The following CCDC171 variants were observed in gnomAD, a reference collection of about 807,000 sequenced individuals.
CCDC171 encodes the protein coiled-coil domain-containing protein 171.
Under a neutral mutation model 168.2 loss-of-function variants are expected in CCDC171, and 177 were observed. The ratio of observed to expected loss-of-function variants is 1.05; its 90% CI spans 0.93 to 1.19. The LOEUF (loss-of-function observed/expected upper bound fraction) is 1.19, where lower values mean the gene tolerates loss of function less well. CCDC171 is among the 50% of genes most tolerant of loss of function. The pLI is 0.00. For missense variants in CCDC171, 1,991 were observed against 1,539.0 expected (o/e 1.29, Z -4.91); for synonymous variants, 687 against 540.8 (o/e 1.27, Z -3.75).
At chr9:15,950,516 CCAAACTAAGCTT>C (rs1829016354) in intron 25 of CCDC171, among the ~76,000 whole-genome samples, 1 of 151,898 alleles carries the variant, frequency 6.6e-6, no homozygotes, top group South Asian at 2.1e-4. Context: ...TCATATCCAG[CCAAACTAAGCTT>C]CATAAGTGAA....
rs1387960922 is a variant in CCDC171 at position 15,952,212 on chromosome 9, GCT to G, written c.3754-19392_3754-19391del. Among the ~76,000 whole-genome samples, 5 of 152,144 alleles carry G rather than the reference GCT, an allele frequency of 3.3e-5. No individual in the cohort carries two copies. The South Asian group carries it at 1.0e-3, about 32-fold the overall frequency. On this transcript the variant is annotated intron_variant, in intron 25 of 25. Transcript: ENST00000380701. The stretch of plus-strand genomic sequence containing the variant: ...CCATTATCTGATGCTTTACTTCTGA[GCT>G]CTCTATTCTGTTCTATTGGTCTCTA...
In CCDC171 at chr9:15,591,540, T is replaced by C. The variant is rs950422756; in HGVS notation, c.527T>C (p.Leu176Pro). ...TTACTTATGAAAGAAAAAAGCAGAC[T>C]AGAGAAAACTCTACAGGTAAAATAG... Reference protein sequence around the residue: ...YDLLMKEKSRLEKTLQEALEK... With the variant: ...YDLLMKEKSRPEKTLQEALEK... The change falls in exon 5 of 26, where the codon CTA (leucine) becomes CCA (proline). Residue 176 changes from leucine to proline, a missense_variant. Coordinates refer to ENST00000380701, the MANE Select transcript of CCDC171 (RefSeq NM_173550.4). 2 of 1,558,904 alleles carry C rather than the reference T, an allele frequency of 1.3e-6. No individual in the cohort carries two copies. Among genetic ancestry groups the C allele is most frequent in the Admixed American group, 2.0e-5 (1 of 50,058 alleles).
intron 18 of CCDC171, among the ~76,000 whole-genome samples, chr9:15,747,096 G>T (rs1169152906): frequency 1.3e-5 from 2 of 152,196 alleles, no homozygotes; most frequent in African/African-American, 2.4e-5. Flanking sequence ...CATTGCCAAG[G>T]CTTGAGTAGG....
intron 8 of CCDC171, among the ~76,000 whole-genome samples, chr9:15,661,439 A>C (rs979637769): frequency 1.3e-5 from 2 of 152,134 alleles, no homozygotes; most frequent in Admixed American, 1.3e-4. Context: ...TAAATAAGAA[A>C]ATTATTACCT....
chr9:15,769,750 G>T (rs896637613), intron 18 of CCDC171, among the ~76,000 whole-genome samples: 4 of 152,164 alleles, frequency 2.6e-5, no homozygotes, highest in African/African-American at 9.7e-5. Flanking sequence ...GCATTTAGTT[G>T]TTCATCCATC....
intron 21 of CCDC171, among the ~76,000 whole-genome samples, chr9:15,831,319 A>C (rs1431732331): frequency 1.3e-5 from 2 of 152,206 alleles, no homozygotes; most frequent in African/African-American, 2.4e-5. Context: ...GCTTAAAAAA[A>C]GTTAGCAACT....
intron 3 of CCDC171, among the ~76,000 whole-genome samples, chr9:15,995,000 G>C (rs1308694434): frequency 6.6e-6 from 1 of 152,168 alleles, no homozygotes; most frequent in Non-Finnish European, 1.5e-5. Context: ...CAGAGGTTGT[G>C]CCAGGCATGC....
In CCDC171 at chr9:15,982,300, G is replaced by A. The variant is rs184820441; in HGVS notation, n.369-38289G>A. On this transcript the variant is annotated intron_variant and non_coding_transcript_variant, in intron 3 of 9. Transcript: ENST00000486641. ...CGTAGTGATGTGAGAATTTAGAACCGTATTCACTCACCAGCTGTGTGTCCT... is the reference window on the plus strand; with the variant it reads ...CGTAGTGATGTGAGAATTTAGAACCATATTCACTCACCAGCTGTGTGTCCT... Among the ~76,000 whole-genome samples, 140 of 152,244 alleles carry A rather than the reference G, an allele frequency of 9.2e-4. 2 individuals are homozygous for A. The highest frequency in any genetic ancestry group is 4.1e-4 in the South Asian group (2 of 4,826).
chr9:15,858,274 C>T lies in CCDC171; in HGVS notation c.3468+9327C>T, dbSNP rs574272794. 1.3e-4 allele frequency among the ~76,000 whole-genome samples: 20 copies of T among 152,148 alleles called. 1 individual carries two copies. The South Asian group carries it at 3.8e-3, about 29-fold the overall frequency. On this transcript the variant is annotated intron_variant, in intron 23 of 25. Transcript: ENST00000380701. ...AGCACAGGTGATCCACGTCCTTGGCCTCCCAAAGTGCTGGGATTACAGGCA... is the reference window on the plus strand; with the variant it reads ...AGCACAGGTGATCCACGTCCTTGGCTTCCCAAAGTGCTGGGATTACAGGCA...
chr9:15,742,530 C>T (rs1263278709), intron 16 of CCDC171, among the ~76,000 whole-genome samples: 1 of 152,136 alleles, frequency 6.6e-6, no homozygotes, highest in South Asian at 2.1e-4. Context: ...AGAGGGTTGT[C>T]GCACATCCTC....
chr9:15,737,258 A>G (rs1417052458), intron 16 of CCDC171, among the ~76,000 whole-genome samples: 2 of 152,206 alleles, frequency 1.3e-5, no homozygotes, highest in East Asian at 1.9e-4. Flanking sequence ...GGTATACTAT[A>G]TATTTTTTTC....
chr9:15,889,099 C>G (rs958554512), intron 24 of CCDC171: 1 of 151,786 alleles, frequency 6.6e-6, no homozygotes, highest in African/African-American at 2.4e-5. Context: ...ACTGGGACCA[C>G]AGGTGTGTGC....
intron 10 of CCDC171, among the ~76,000 whole-genome samples, chr9:15,682,198 A>G (rs2050085537): frequency 6.6e-6 from 1 of 152,096 alleles, no homozygotes; most frequent in Admixed American, 6.6e-5. Context: ...AGACTTACAA[A>G]TAACTTTGTA....
intron 16 of CCDC171, among the ~76,000 whole-genome samples, chr9:15,743,783 A>G (rs2055063754): frequency 6.6e-6 from 1 of 152,198 alleles, no homozygotes; most frequent in African/African-American, 2.4e-5. Flanking sequence ...CATGCAGTAA[A>G]TGGTAGACCA....
chr9:15,678,323 C>T (rs1230793291), intron 9 of CCDC171, among the ~76,000 whole-genome samples: 3 of 152,118 alleles, frequency 2.0e-5, no homozygotes, highest in Admixed American at 6.6e-5. Context: ...TTCCATGCCA[C>T]CACACTGGTT....
At chr9:15,693,349 C>A (rs1350286123) in intron 10 of CCDC171, among the ~76,000 whole-genome samples, 2 of 152,072 alleles carry the variant, frequency 1.3e-5, no homozygotes, top group African/African-American at 4.8e-5. Flanking sequence ...CTCCTAAAGT[C>A]TGTGTGGATG....
intron 1 of CCDC171, among the ~76,000 whole-genome samples, chr9:15,557,090 A>G (rs565033105): frequency 6.6e-6 from 1 of 152,076 alleles, no homozygotes; most frequent in Non-Finnish European, 1.5e-5. Flanking sequence ...ATTCTGTTCC[A>G]TTGGTCTATA....
intron 25 of CCDC171, among the ~76,000 whole-genome samples, chr9:15,925,967 A>C (rs1825849687): frequency 6.6e-6 from 1 of 151,658 alleles, no homozygotes; most frequent in East Asian, 1.9e-4. Context: ...ACATTATTTG[A>C]GGTATGGAGA....
At chr9:16,088,080 A>G in the CCDC171 span, among the ~76,000 whole-genome samples, 1 of 152,200 alleles carries the variant, frequency 6.6e-6, no homozygotes, top group Non-Finnish European at 1.5e-5. Context: ...ATGCAAATCA[A>G]TAAATGTAAT....
Sources: allele counts gnomAD v4.1 joint callset (sites outside exome capture counted in the v4.1 genomes callset), GRCh38; gene constraint gnomAD v4.1.1; transcripts MANE v1.5; gene names NCBI Gene and HGNC (gene_info 2026-07-23, HGNC 2026-07-21).